TRIM48: variants seen among roughly 807,000 people sequenced by gnomAD.
The protein encoded by TRIM48 is E3 ubiquitin-protein ligase TRIM48.
A neutral mutation model predicts 29.5 loss-of-function variants in TRIM48; 31 were observed. The ratio of observed to expected loss-of-function variants is 1.05; its 90% CI spans 0.79 to 1.42. The LOEUF is 1.42. Ranked by LOEUF, TRIM48 falls within the 40% of genes most tolerant of loss-of-function variation. TRIM48 has a pLI of 0.00. For missense variants in TRIM48, 344 were observed against 265.0 expected (o/e 1.30, Z -2.07); for synonymous variants, 128 against 90.6 (o/e 1.41, Z -2.34).
chr11:55,262,872 T>C (rs1249695383), intron 1 of TRIM48, among the ~76,000 whole-genome samples: 1 of 152,152 alleles, frequency 6.6e-6, no homozygotes, highest in Non-Finnish European at 1.5e-5. Flanking sequence ...AGTTTTAATC[T>C]TATTAAACTA....
intron 5 of TRIM48, among the ~76,000 whole-genome samples, chr11:55,270,138 G>A (rs760727455): frequency 1.4e-5 from 2 of 148,124 alleles, no homozygotes; most frequent in African/African-American, 2.5e-5. Context: ...AGCATTTAGG[G>A]CGTATAATGT....
chr11:55,270,616 G>T lies in TRIM48; in HGVS notation c.*181G>T. 1 of 1,583,036 alleles carries T rather than the reference G, an allele frequency of 6.3e-7. No individual in the cohort carries two copies. The highest frequency in any genetic ancestry group is 1.4e-5 in the African/African-American group (1 of 73,470). On this transcript the variant is annotated 3_prime_UTR_variant, in exon 6 of 6. Transcript: ENST00000417545. ...TGGCAAATATTACTGGGAGGTCCAT[G>T]TGGGGGACTCTTGGAATTGGGCTTT...
intron 1 of TRIM48, among the ~76,000 whole-genome samples, chr11:55,264,043 C>A (rs1369904073): frequency 6.6e-6 from 1 of 152,262 alleles, no homozygotes; most frequent in Middle Eastern, 3.4e-3. Context: ...CACCCAGAAA[C>A]AATGCTGCAC....
At chr11:55,266,434 A>G (rs1317818512) in intron 3 of TRIM48, among the ~76,000 whole-genome samples, 1 of 147,798 alleles carries the variant, frequency 6.8e-6, no homozygotes, top group Non-Finnish European at 1.5e-5. Context: ...TGAATATTAA[A>G]TTAGAAAATT....
chr11:55,262,275 G>T lies in TRIM48; in HGVS notation c.8G>T (p.Arg3Leu). 2 of 1,548,784 alleles carry T rather than the reference G, an allele frequency of 1.3e-6. No homozygotes were observed. The highest frequency in any genetic ancestry group is 1.7e-6 in the Non-Finnish European group (2 of 1,146,304). Residue 3 changes from arginine (R) to leucine (L), a missense_variant, in exon 1 of 6, where the codon CGA becomes CTA. Coordinates refer to ENST00000417545, the MANE Select transcript of TRIM48 (RefSeq NM_024114.5). MS[R>L]RIIVGTLQRT... ...GGAGTACTTAACAGAATTATGTCTC[G>T]AAGAATCATTGTGGGAACCCTTCAA... is the stretch of plus-strand genomic sequence containing the variant.
rs747964790 is a variant in TRIM48 at position 55,265,253 on chromosome 11, G to A, written c.398G>A (p.Ser133Asn). 15 of 1,582,416 alleles carry A rather than the reference G, an allele frequency of 9.5e-6. 2 individuals carry two copies. In the East Asian group the frequency reaches 9.7e-5, roughly 10 times the overall value. ...AGCCTGCTCTGTTTGCTGTGCTCCA[G>A]CTCTCAGGAGCACCGGTATCACAGA... ...DRSLLCLLCS[S>N]SQEHRYHRHC... The change falls in exon 2 of 6, where the codon AGC (serine) becomes AAC (asparagine). Residue 133 changes from serine (S) to asparagine (N), a missense_variant. Physicochemically the swap from Ser to Asn is conservative, Grantham distance 46 (BLOSUM62 1). Transcript: ENST00000417545.
In TRIM48 at chr11:55,265,391, G is replaced by C. The variant is rs1378118030; in HGVS notation, c.459+77G>C. The C allele has an allele frequency of 3.8e-6, 6 of 1,565,000 alleles. No individual in the cohort carries two copies. In the East Asian group the frequency reaches 1.5e-4, roughly 39 times the overall value. ...GTGGCCCTATTTTCTTGGAGATTGGGTAAAGCCAACTCTGAGTCCCTTTAA... is the reference window on the plus strand; with the variant it reads ...GTGGCCCTATTTTCTTGGAGATTGGCTAAAGCCAACTCTGAGTCCCTTTAA... On this transcript the variant is annotated intron_variant, in intron 2 of 5. Transcript: ENST00000417545.
At chr11:55,268,985 G>A (rs1207957107) in intron 4 of TRIM48, among the ~76,000 whole-genome samples, 2 of 147,900 alleles carry the variant, frequency 1.4e-5, no homozygotes, top group Non-Finnish European at 3.0e-5. Flanking sequence ...TATTCTCAAG[G>A]CCATAAGGCT....
chr11:55,264,232 C>A (rs1257283666), intron 1 of TRIM48, among the ~76,000 whole-genome samples: 1 of 148,302 alleles, frequency 6.7e-6, no homozygotes, highest in African/African-American at 2.5e-5. Flanking sequence ...GGTCCGATAT[C>A]TTTAATGATT....
rs1478330791 is a variant in TRIM48 at position 55,265,975 on chromosome 11, C to G, written c.555+280C>G. ...CAACAGATACAAGAAACTGGGCCAT[C>G]TCACAGCATTCTATATGTGCTGGTT... On this transcript the variant is annotated intron_variant, in intron 3 of 5. Transcript: ENST00000417545. Among the ~76,000 whole-genome samples, 5 of 147,476 alleles carry G rather than the reference C, an allele frequency of 3.4e-5. 1 individual carries two copies. Among genetic ancestry groups the G allele is most frequent in the African/African-American group, 1.2e-4 (5 of 40,286 alleles).
chr11:55,267,494 G>T, intron 3 of TRIM48: 2 of 1,579,676 alleles, frequency 1.3e-6, no homozygotes, highest in East Asian at 2.4e-5. Flanking sequence ...ACATAATTTG[G>T]AGATGCTGAA....
Position 55,270,391 on chromosome 11 carries a change from T to C in TRIM48, c.*2-46T>C. 5 of 1,369,176 alleles carry C rather than the reference T, an allele frequency of 3.7e-6. 1 individual carries two copies. In the South Asian group the frequency reaches 4.5e-5, roughly 12 times the overall value. 84.8% of individuals were successfully genotyped at this position (1,369,176 alleles called of 1,614,324 possible). On this transcript the variant is annotated intron_variant, in intron 5 of 5. Transcript: ENST00000417545. ...CTTATTTACACATGCCTATGCATGT[T>C]TTCTTTCTTTCTTTCTTTCTATTTA... is the stretch of plus-strand genomic sequence containing the variant.
At chr11:55,270,346 T>C (rs1857462430) in intron 5 of TRIM48, 91 bp from the exon 6 acceptor site, 1 of 1,112,466 alleles carries the variant, frequency 9.0e-7, no homozygotes, top group Admixed American at 2.9e-5. Flanking sequence ...TAAATTAACT[T>C]TTTGATAGAA....
Position 55,265,613 on chromosome 11 carries a change from A to G in TRIM48, c.473A>G (p.Lys158Arg). 1 of 1,581,650 alleles carries G rather than the reference A, an allele frequency of 6.3e-7. No homozygotes were observed. The highest frequency in any genetic ancestry group is 2.4e-5 in the East Asian group (1 of 41,256). ...AAEEHWEKLL[K>R]KMQSLWEKAC... Reference sequence around the variant, plus strand: ...GCTCTTTTGCAGGAGAAGCTTTTAAAGAAAATGCAGTCTTTATGGGAAAAA... The same window carrying G: ...GCTCTTTTGCAGGAGAAGCTTTTAAGGAAAATGCAGTCTTTATGGGAAAAA... The change falls in exon 3 of 6, where the codon AAG becomes AGG. Residue 158 changes from lysine (K) to arginine (R), a missense_variant. Coordinates refer to ENST00000417545, the MANE Select transcript of TRIM48 (RefSeq NM_024114.5).
At position 55,271,046 on chromosome 11, in the gene TRIM48, T is replaced by G; in HGVS notation, c.*611T>G. 1 of 1,319,900 alleles carries G rather than the reference T, an allele frequency of 7.6e-7. No homozygotes were observed. The highest frequency in any genetic ancestry group is 1.6e-5 in the African/African-American group (1 of 60,712). The allele number at this position is 1,319,900 out of a possible 1,614,324, so 81.8% of individuals were successfully genotyped here. On this transcript the variant is annotated 3_prime_UTR_variant, in exon 6 of 6. Transcript: ENST00000417545. ...GACAAATAGGTTCGGTTTTATGTCTTGAATTGCATTCTAATGTTATTAAAA... is the reference window on the plus strand; with the variant it reads ...GACAAATAGGTTCGGTTTTATGTCTGGAATTGCATTCTAATGTTATTAAAA...
chr11:55,267,480 A>T lies in TRIM48; in HGVS notation c.556-870A>T, dbSNP rs1857411023. Reference sequence around the variant, plus strand: ...ATGCCTGCATTTCATCATGAAGAAGAAAAACATAATTTGGAGATGCTGAAA... The same window carrying T: ...ATGCCTGCATTTCATCATGAAGAAGTAAAACATAATTTGGAGATGCTGAAA... On this transcript the variant is annotated intron_variant, in intron 3 of 5. Transcript: ENST00000417545. 2 of 1,579,808 alleles carry T rather than the reference A, an allele frequency of 1.3e-6. 1 individual carries two copies. Among genetic ancestry groups the T allele is most frequent in the Non-Finnish European group, 1.7e-6 (2 of 1,163,782 alleles).
In TRIM48 at chr11:55,270,763, C is replaced by A. The variant is rs935581240; in HGVS notation, c.*328C>A. On this transcript the variant is annotated 3_prime_UTR_variant, in exon 6 of 6. Transcript: ENST00000417545. ...TCAGTGCAGTCTCTTTACCACCTCC[C>A]CAATTACACTGCAGTATGTCCCAAG... 5.7e-6 allele frequency: 9 copies of A among 1,569,618 alleles called. No homozygotes were observed. Among genetic ancestry groups the A allele is most frequent in the African/African-American group, 1.4e-5 (1 of 73,258 alleles).
rs1857368150 is a variant in TRIM48 at position 55,265,125 on chromosome 11, T to C, written c.270T>C (p.Ala90=). The C allele has an allele frequency of 2.5e-6, 4 of 1,582,738 alleles. No homozygotes were observed. Among genetic ancestry groups the C allele is most frequent in the Non-Finnish European group, 3.4e-6 (4 of 1,166,122 alleles). The change falls in exon 2 of 6, where the codon GCT becomes GCC. Residue 90 remains alanine, a synonymous_variant. Transcript: ENST00000417545. ...LKTNIRLKKM[A]SLARKASLWL... is the part of the protein sequence containing the mutation. The stretch of plus-strand genomic sequence containing the variant: ...CTAACATTCGATTGAAGAAGATGGC[T>C]TCCCTTGCCAGAAAAGCCAGTCTCT...
In TRIM48 at chr11:55,265,269, G is replaced by A. The variant is rs1348653598; in HGVS notation, c.414G>A (p.Arg138=). ...CLLCSSSQEH[R]YHRHCPAEWA... is the part of the protein sequence containing the mutation. ...TGTGCTCCAGCTCTCAGGAGCACCG[G>A]TATCACAGACACTGTCCCGCTGAGT... Residue 138 remains arginine, a synonymous_variant, in exon 2 of 6, where the codon CGG becomes CGA. Transcript: ENST00000417545. 1.3e-6 allele frequency: 2 copies of A among 1,582,258 alleles called. No individual in the cohort carries two copies. The highest frequency in any genetic ancestry group is 1.4e-5 in the African/African-American group (1 of 73,456).
Sources: gnomAD v4.1 joint callset for allele counts (sites outside exome capture counted in the v4.1 genomes callset) on GRCh38, gnomAD v4.1.1 for gene constraint, MANE v1.5 for transcripts, NCBI Gene and HGNC (gene_info 2026-07-23, HGNC 2026-07-21) for gene names.